Variants in CANX observed in about 807,000 individuals in gnomAD.
CANX encodes calnexin, also known as epididymis secretory sperm binding protein.
A neutral mutation model predicts 75.7 loss-of-function variants in CANX; 14 were observed. The ratio of observed to expected loss-of-function variants is 0.19; its 90% confidence interval spans 0.12 to 0.29. The LOEUF is 0.29. CANX is among the 10% of genes least tolerant of loss of function. The pLI is 1.00. For missense variants in CANX, 567 were observed against 713.2 expected, an observed-to-expected ratio of 0.79 and a Z score of 2.34; for synonymous variants, 227 against 236.9, an observed-to-expected ratio of 0.96 and a Z score of 0.38.
upstream of CANX, among the ~76,000 whole-genome samples, chr5:179,698,138 C>A (rs916618619): frequency 6.6e-6 from 1 of 152,142 alleles, no homozygotes; most frequent in African/African-American, 2.4e-5. Flanking sequence ...GTGAGGTTCT[C>A]AGCATACTGA....
In CANX at chr5:179,729,709, A is replaced by C. The variant is rs778816636; in HGVS notation, c.*1065A>C. ...CCTTTCCAGGGTCAAAGTACAGAAT[A>C]GAATACATTGATACAAAGTACAGAA... On this transcript the variant is annotated 3_prime_UTR_variant, in exon 15 of 15. Transcript: ENST00000247461. The C allele has an allele frequency of 5.2e-5, 8 of 152,668 alleles. No homozygotes were observed. In the South Asian group the frequency reaches 1.7e-3, roughly 32 times the overall value. The allele number at this position is 152,668 out of a possible 1,614,324, so 9.5% of individuals were successfully genotyped here.
chr5:179,709,868 TGAAGGA>T lies in CANX; in HGVS notation c.529-4_530del. On this transcript the variant is annotated splice_acceptor_variant and splice_polypyrimidine_tract_variant and coding_sequence_variant and intron_variant, in exon 7 of 15. Coordinates refer to ENST00000247461, the MANE Select transcript of CANX (RefSeq NM_001746.4). LOFTEE classifies it high-confidence loss of function. ...ACTTCAAATAATCCTTTTTTGTTTT[TGAAGGA>T]TCAGTTCCATGACAAGACCCCTTAT... 3 of 1,555,116 alleles carry T rather than the reference TGAAGGA, an allele frequency of 1.9e-6. No homozygotes were observed. The highest frequency in any genetic ancestry group is 1.4e-5 in the African/African-American group (1 of 71,800).
chr5:179,683,075 G>A (rs1776110557), intron 1 of CANX, among the ~76,000 whole-genome samples: 1 of 152,170 alleles, frequency 6.6e-6, no homozygotes, highest in South Asian at 2.1e-4. Flanking sequence ...CCACCTCCTA[G>A]GAAACTTCTG....
At chr5:179,723,910 C>T in intron 12 of CANX, 131 bp downstream of exon 12, 1 of 738,612 alleles carries the variant, frequency 1.4e-6, no homozygotes, top group South Asian at 2.0e-5. Context: ...TTGGTGTTGA[C>T]TTCAGAAACC....
chr5:179,719,816 GT>G (rs772362884), intron 9 of CANX, 35 bp downstream of exon 9: 1 of 1,137,004 alleles, frequency 8.8e-7, no homozygotes, highest in Non-Finnish European at 1.3e-6. Context: ...TAATTACCTG[GT>G]TTTTTTGTTT....
rs887399280 is a variant in CANX, at chr5:179,703,406, C to CG, written c.-3-2271dup. Among the ~76,000 whole-genome samples the CG allele has an allele frequency of 1.4e-4, 21 of 151,932 alleles. No individual in the cohort carries two copies. The East Asian group carries it at 3.7e-3, about 27-fold the overall frequency. Reference sequence around the variant, plus strand: ...CTAATTTTTTGTATTTTAGTAGAAACGGAGTTTCATCATGTTTCCCTGGCT... The same window carrying CG: ...CTAATTTTTTGTATTTTAGTAGAAACGGGAGTTTCATCATGTTTCCCTGGCT... On this transcript the variant is annotated intron_variant, in intron 1 of 14. Coordinates refer to ENST00000247461, the MANE Select transcript of CANX (RefSeq NM_001746.4).
At chr5:179,679,088 G>A in intron 1 of CANX, 2 of 1,535,764 alleles carry the variant, frequency 1.3e-6, no homozygotes, top group South Asian at 2.4e-5. Flanking sequence ...CTGCTGCAGC[G>A]TCTGCCACAG....
intron 7 of CANX, among the ~76,000 whole-genome samples, chr5:179,712,943 G>T (rs1461966563): frequency 1.5e-4 from 20 of 131,900 alleles, no homozygotes; most frequent in African/African-American, 5.0e-4. Context: ...TAATTTTTCT[G>T]TTTTTAGTAG....
At chr5:179,681,272 G>T (rs905288357) in intron 1 of CANX, among the ~76,000 whole-genome samples, 2 of 152,180 alleles carry the variant, frequency 1.3e-5, no homozygotes, top group African/African-American at 4.8e-5. Context: ...GGAATGAAGG[G>T]AGTGATCATA....
chr5:179,689,935 T>C (rs1459482087), intron 1 of CANX, among the ~76,000 whole-genome samples: 1 of 152,150 alleles, frequency 6.6e-6, no homozygotes, highest in Admixed American at 6.6e-5. Flanking sequence ...ACTGAAAAGA[T>C]GAGGTTTGGA....
Position 179,729,765 on chromosome 5 carries a change from CTCTGTG to C in CANX, c.*1123_*1128del, listed in dbSNP as rs1166281092. ...CTTTGATTTTTATCCATTTCTTTTACTCTGTGTAAAGACTTGAGAAGTCTAATTCAC... is the reference window on the plus strand; with the variant it reads ...CTTTGATTTTTATCCATTTCTTTTACTAAAGACTTGAGAAGTCTAATTCAC... On this transcript the variant is annotated 3_prime_UTR_variant, in exon 15 of 15. Transcript: ENST00000247461. 2.6e-5 allele frequency: 4 copies of C among 152,624 alleles called. No individual in the cohort carries two copies. Among genetic ancestry groups the C allele is most frequent in the Non-Finnish European group, 4.4e-5 (3 of 68,028 alleles). The allele number at this position is 152,624 out of a possible 1,614,324, so 9.5% of individuals were successfully genotyped here.
intron 4 of CANX, 124 bp downstream of exon 4, chr5:179,707,314 G>T (rs1562474403): frequency 1.5e-6 from 1 of 659,286 alleles, no homozygotes; most frequent in Admixed American, 2.2e-5. Context: ...GCCAGGTGCG[G>T]TGGCTCACGC....
chr5:179,723,217 G>A lies in CANX; in HGVS notation c.1398+198G>A, dbSNP rs543595450. Among the ~76,000 whole-genome samples, 3 of 151,624 alleles carry A rather than the reference G, an allele frequency of 2.0e-5. No homozygotes were observed. In the South Asian group the frequency reaches 6.3e-4, roughly 32 times the overall value. ...TGTAGTGGCTTTAGAGTCTGTTTGTGTTCAGGGTTTTTTTTTTATTATTTG... is the reference window on the plus strand; with the variant it reads ...TGTAGTGGCTTTAGAGTCTGTTTGTATTCAGGGTTTTTTTTTTATTATTTG... On this transcript the variant is annotated intron_variant, in intron 11 of 14. Coordinates refer to ENST00000247461, the MANE Select transcript of CANX (RefSeq NM_001746.4).
At chr5:179,680,930 C>T (rs1207959800) in intron 1 of CANX, 1 of 1,536,120 alleles carries the variant, frequency 6.5e-7, no homozygotes, top group Non-Finnish European at 8.7e-7. Context: ...CAGGCCCACC[C>T]TTGAGATTGT....
chr5:179,705,832 G>C lies in CANX; in HGVS notation c.151G>C (p.Ala51Pro). The C allele has an allele frequency of 1.2e-6, 2 of 1,613,590 alleles. No individual in the cohort carries two copies. The highest frequency in any genetic ancestry group is 1.7e-6 in the Non-Finnish European group (2 of 1,179,598). Reference sequence around the variant, plus strand: ...AGAAGACTCAAAACCAGATACCACTGCTCCTCCTTCATCTCCCAAGGTTTG... The same window carrying C: ...AGAAGACTCAAAACCAGATACCACTCCTCCTCCTTCATCTCCCAAGGTTTG... ...EVEDSKPDTT[A>P]PPSSPKVTYK... Residue 51 changes from alanine (A) to proline (P), a missense_variant, in exon 2 of 15, where the codon GCT (alanine) becomes CCT (proline). By Grantham distance (27) the Ala-to-Pro change is conservative. Around this residue, in one of 3 missense-constraint regions of CANX, gnomAD observed 351 missense variants for 433.8 expected, o/e 0.81. Coordinates refer to ENST00000247461, the MANE Select transcript of CANX (RefSeq NM_001746.4).
In CANX at chr5:179,691,099, C is replaced by T. The variant is rs192682757; in HGVS notation, c.-4+12322C>T. 2.9e-3 allele frequency among the ~76,000 whole-genome samples: 444 copies of T among 152,116 alleles called. 5 individuals carry two copies. The highest frequency in any genetic ancestry group is 0.01 in the African/African-American group (426 of 41,548). ...GGAGTGCAGCAGCATGATCTTGGCT[C>T]ATGGCAACTTCTGCCTCCCAGGTTC... On this transcript the variant is annotated intron_variant, in intron 1 of 14. Coordinates refer to the CANX transcript ENST00000681674.
At chr5:179,699,508 G>C (rs970346393) in intron 1 of CANX, 1 of 152,250 alleles carries the variant, frequency 6.6e-6, no homozygotes, top group Non-Finnish European at 1.5e-5. Context: ...TAGTAGGGAA[G>C]GGTGGTATTA....
intron 8 of CANX, among the ~76,000 whole-genome samples, chr5:179,717,827 C>T (rs1443485124): frequency 2.0e-5 from 3 of 151,574 alleles, no homozygotes; most frequent in Non-Finnish European, 2.9e-5. Flanking sequence ...GTGATTCTCC[C>T]GCCCTAGCCT....
At chr5:179,682,465 C>T (rs1776088771) in intron 1 of CANX, among the ~76,000 whole-genome samples, 1 of 151,954 alleles carries the variant, frequency 6.6e-6, no homozygotes, top group African/African-American at 2.4e-5. Flanking sequence ...AATCCCAGCA[C>T]CTTGGGAGGC....
Sources: allele counts gnomAD v4.1 joint callset (sites outside exome capture counted in the v4.1 genomes callset), GRCh38; gene constraint gnomAD v4.1.1; regional missense constraint gnomAD v4.1.1; transcripts MANE v1.5; gene names NCBI Gene and HGNC (gene_info 2026-07-23, HGNC 2026-07-21).